PDSS2: variants seen among roughly 807,000 people sequenced by gnomAD.
PDSS2 encodes all trans-polyprenyl-diphosphate synthase PDSS2.
PDSS2 carries 31 observed loss-of-function variants against 44.5 expected under a neutral mutation model. That is an observed-to-expected ratio of 0.70 (90% CI 0.52 to 0.94). The LOEUF is 0.94. Ranked by LOEUF, PDSS2 falls within the 40% of genes least tolerant of loss-of-function variation. The pLI, the probability that PDSS2 is intolerant of heterozygous loss-of-function variation, is 0.00. For synonymous variants in PDSS2, 157 were observed against 180.3 expected (o/e 0.87, Z 1.03); for missense variants, 452 against 482.2 (o/e 0.94, Z 0.59).
intron 7 of PDSS2, among the ~76,000 whole-genome samples, chr6:107,172,908 G>A (rs747636922): frequency 1.8e-4 from 27 of 151,568 alleles, no homozygotes; most frequent in Non-Finnish European, 2.7e-4. Context: ...GGCAGATCAC[G>A]AGGTCAGGAG....
At chr6:107,235,273 C>T (rs57398665) in intron 4 of PDSS2, among the ~76,000 whole-genome samples, 3,359 of 152,228 alleles carry the variant, frequency 0.022, 190 homozygotes, top group East Asian at 0.19. Flanking sequence ...CTAAAGTCTT[C>T]GGCTGAGTAT....
chr6:107,445,950 G>C (rs1306064695), intron 1 of PDSS2, among the ~76,000 whole-genome samples: 1 of 152,052 alleles, frequency 6.6e-6, no homozygotes, highest in Non-Finnish European at 1.5e-5. Flanking sequence ...CTGTCTGTCT[G>C]TTTCTCTCTC....
intron 1 of PDSS2, among the ~76,000 whole-genome samples, chr6:107,396,049 G>C (rs1246048605): frequency 6.6e-6 from 1 of 152,156 alleles, no homozygotes; most frequent in East Asian, 1.9e-4. Flanking sequence ...TATTCTGTGA[G>C]TGTTTTTCAC....
chr6:107,238,376 A>C (rs980833115), intron 4 of PDSS2, among the ~76,000 whole-genome samples: 1 of 152,250 alleles, frequency 6.6e-6, no homozygotes, highest in African/African-American at 2.4e-5. Flanking sequence ...CTCAGCATAT[A>C]GTCAAATTCA....
intron 1 of PDSS2, among the ~76,000 whole-genome samples, chr6:107,334,934 A>G (rs1010062568): frequency 3.9e-5 from 6 of 151,964 alleles, no homozygotes; most frequent in Non-Finnish European, 1.5e-5. Flanking sequence ...AGGTGGTCAG[A>G]TGAGCCTAGG....
At chr6:107,215,659 A>T (rs1773386581) in intron 4 of PDSS2, among the ~76,000 whole-genome samples, 1 of 152,204 alleles carries the variant, frequency 6.6e-6, no homozygotes, top group Non-Finnish European at 1.5e-5. Flanking sequence ...AAATCAAGAG[A>T]TTCAACTAAA....
At chr6:107,316,772 T>G (rs1258213919) in intron 2 of PDSS2, among the ~76,000 whole-genome samples, 1 of 152,274 alleles carries the variant, frequency 6.6e-6, no homozygotes, top group South Asian at 2.1e-4. Context: ...GAACAAAAAA[T>G]GTATAGACTC....
intron 1 of PDSS2, among the ~76,000 whole-genome samples, chr6:107,368,956 G>C (rs1779046932): frequency 6.6e-6 from 1 of 152,136 alleles, no homozygotes; most frequent in Non-Finnish European, 1.5e-5. Flanking sequence ...TGTAGTATTG[G>C]TATAATGATA....
intron 3 of PDSS2, among the ~76,000 whole-genome samples, chr6:107,255,632 T>G (rs368153111): frequency 4.0e-5 from 6 of 151,418 alleles, no homozygotes; most frequent in African/African-American, 1.5e-4. Context: ...AAAGTATTGA[T>G]AGTGATTCAC....
intron 1 of PDSS2, among the ~76,000 whole-genome samples, chr6:107,418,731 C>T (rs138153684): frequency 1.2e-4 from 18 of 152,164 alleles, no homozygotes; most frequent in African/African-American, 3.4e-4. Flanking sequence ...GCCGAGATTG[C>T]GCCACTGCAC....
At chr6:107,341,677 T>C (rs1348185488) in intron 1 of PDSS2, among the ~76,000 whole-genome samples, 1 of 152,140 alleles carries the variant, frequency 6.6e-6, no homozygotes, top group Non-Finnish European at 1.5e-5. Flanking sequence ...TAATGAAGTA[T>C]GTATACACAC....
At chr6:107,222,739 G>T (rs1773651821) in intron 4 of PDSS2, among the ~76,000 whole-genome samples, 1 of 151,620 alleles carries the variant, frequency 6.6e-6, no homozygotes, top group South Asian at 2.1e-4. Context: ...AGTCTCAGAA[G>T]TATAGCAATT....
rs1424021693 is a variant in PDSS2 at position 107,210,505 on chromosome 6, G to A, written c.942C>T (p.Asn314=). ...KTSDSMTFNL[N]SAPVVLHQEF... ...CCTGATGTAAGACTACAGGAGCTGAGTTTAGATTAAAAGTCATGGAGTCAC... is the reference window on the plus strand; with the variant it reads ...CCTGATGTAAGACTACAGGAGCTGAATTTAGATTAAAAGTCATGGAGTCAC... The change falls in exon 6 of 8, where the codon AAC becomes AAT. Residue 314 remains asparagine, a synonymous_variant. Coordinates refer to ENST00000369037, the MANE Select transcript of PDSS2 (RefSeq NM_020381.4). The A allele has an allele frequency of 6.2e-7, 1 of 1,602,718 alleles. No homozygotes were observed. Among genetic ancestry groups the A allele is most frequent in the Non-Finnish European group, 8.5e-7 (1 of 1,169,920 alleles).
intron 3 of PDSS2, chr6:107,264,653 C>T (rs565656476): frequency 1.8e-6 from 1 of 563,690 alleles, no homozygotes; most frequent in East Asian, 2.9e-5. Context: ...TGGCTTAATC[C>T]TAAATACAAA....
chr6:107,426,994 G>A (rs2114730517), intron 1 of PDSS2, among the ~76,000 whole-genome samples: 1 of 152,268 alleles, frequency 6.6e-6, no homozygotes, highest in African/African-American at 2.4e-5. Flanking sequence ...TGCTGGAAAG[G>A]CATAATTGGT....
Position 107,229,797 on chromosome 6 carries a change from C to T in PDSS2, c.702+15751G>A, listed in dbSNP as rs185086529. ...CTATCTGGTCCAGGAAGTTCATGAC[C>T]AACTGACTGACTACTTCAGTGGAAA... On this transcript the variant is annotated intron_variant, in intron 4 of 7. Coordinates refer to ENST00000369037, the MANE Select transcript of PDSS2 (RefSeq NM_020381.4). The T allele has an allele frequency of 5.2e-5, 8 of 152,542 alleles. No individual in the cohort carries two copies. In the East Asian group the frequency reaches 1.5e-3, roughly 29 times the overall value. The allele number at this position is 152,542 out of a possible 1,614,324, so 9.4% of individuals were successfully genotyped here.
chr6:107,456,209 T>C (rs967761943), intron 1 of PDSS2, among the ~76,000 whole-genome samples: 2 of 152,046 alleles, frequency 1.3e-5, no homozygotes, highest in African/African-American at 4.8e-5. Flanking sequence ...TAATCCCAGG[T>C]ACTTGGGGGG....
intron 1 of PDSS2, among the ~76,000 whole-genome samples, chr6:107,437,502 G>C (rs1288153763): frequency 7.2e-6 from 1 of 138,748 alleles, no homozygotes; most frequent in Non-Finnish European, 1.5e-5. Flanking sequence ...TCCAGCCTAG[G>C]AGACAGAGTG....
chr6:107,334,048 A>G (rs1326807631), intron 2 of PDSS2, 150 bp downstream of exon 2: 1 of 738,530 alleles, frequency 1.4e-6, no homozygotes, highest in Non-Finnish European at 2.3e-6. Flanking sequence ...ACTATCACTT[A>G]TTATGAACAA....
Sources: allele counts gnomAD v4.1 joint callset (sites outside exome capture counted in the v4.1 genomes callset), GRCh38; gene constraint gnomAD v4.1.1; transcripts MANE v1.5; gene names NCBI Gene and HGNC (gene_info 2026-07-23, HGNC 2026-07-21).